The following RYR2 variants were observed in gnomAD, a reference collection of about 807,000 sequenced individuals.
RYR2 encodes ryanodine receptor 2.
RYR2 carries 227 observed loss-of-function variants against 601.1 expected under a neutral mutation model. The observed-to-expected ratio is 0.38, with a 90% CI of 0.34 to 0.42. The LOEUF (loss-of-function observed/expected upper bound fraction) is 0.42. RYR2 is among the 10% of genes least tolerant of loss of function. The pLI, the probability that RYR2 is intolerant of heterozygous loss-of-function variation, is 1.00. For synonymous variants in RYR2, 2,223 were observed against 2,175.1 expected (o/e 1.02, Z -0.61); for missense variants, 4,646 against 6,156.5 (o/e 0.75, Z 8.21).
At chr1:237,227,872 T>G (rs1044094937) in intron 1 of RYR2, among the ~76,000 whole-genome samples, 1 of 152,232 alleles carries the variant, frequency 6.6e-6, no homozygotes, top group Non-Finnish European at 1.5e-5. Flanking sequence ...TTTATTTTGA[T>G]GTTGAGTAGC....
At chr1:237,811,699 G>A (rs1661272428) in intron 100 of RYR2, among the ~76,000 whole-genome samples, 1 of 152,180 alleles carries the variant, frequency 6.6e-6, no homozygotes, top group African/African-American at 2.4e-5. Context: ...GATGGAGAAT[G>A]CAGGGGGAAA....
At chr1:237,644,442 C>T (rs1681909796) in intron 48 of RYR2, among the ~76,000 whole-genome samples, 3 of 151,942 alleles carry the variant, frequency 2.0e-5, no homozygotes, top group Admixed American at 2.0e-4. Context: ...CCATGTTAGC[C>T]AGGATGGTCT....
At chr1:237,352,949 G>A in intron 3 of RYR2, 1 of 452,818 alleles carries the variant, frequency 2.2e-6, no homozygotes, top group Non-Finnish European at 4.4e-6. Context: ...CAACTTTCAT[G>A]GGAAAGGCAA....
At chr1:237,172,001 G>A (rs1572089949) in intron 1 of RYR2, among the ~76,000 whole-genome samples, 1 of 152,210 alleles carries the variant, frequency 6.6e-6, no homozygotes, top group Non-Finnish European at 1.5e-5. Context: ...CTGCTAAGCA[G>A]CAAGTCAGCT....
chr1:237,537,953 A>G (rs1668822085), intron 25 of RYR2, among the ~76,000 whole-genome samples: 1 of 152,178 alleles, frequency 6.6e-6, no homozygotes, highest in Admixed American at 6.5e-5. Flanking sequence ...CTTCAAGTGT[A>G]TTCACTATTT....
At chr1:237,330,306 A>T (rs944687230) in intron 2 of RYR2, among the ~76,000 whole-genome samples, 1 of 152,256 alleles carries the variant, frequency 6.6e-6, no homozygotes, top group South Asian at 2.1e-4. Context: ...GGCAATGCGT[A>T]TCAGAGTAAG....
At chr1:237,288,666 C>T (rs962355638) in intron 2 of RYR2, among the ~76,000 whole-genome samples, 2 of 152,064 alleles carry the variant, frequency 1.3e-5, no homozygotes, top group African/African-American at 4.8e-5. Flanking sequence ...ACTGTGCCCC[C>T]CAACAACAGC....
At chr1:237,603,315 T>A (rs1213160239) in intron 35 of RYR2, among the ~76,000 whole-genome samples, 1 of 152,028 alleles carries the variant, frequency 6.6e-6, no homozygotes, top group Admixed American at 6.5e-5. Flanking sequence ...AAGTGTAGAA[T>A]AAGTGGGAGG....
In RYR2 at chr1:237,491,680, C is replaced by G. The variant is rs538912452; in HGVS notation, c.1709-126C>G. 37 of 589,844 alleles carry G rather than the reference C, an allele frequency of 6.3e-5. No homozygotes were observed. The Middle Eastern group carries it at 1.7e-3, about 28-fold the overall frequency. The allele number at this position is 589,844 out of a possible 1,614,324, so 36.5% of individuals were successfully genotyped here. ...TGTCACCTATCACAGTGCCTTGTAA[C>G]AGTCACATTGAGCACAGATAATTAC... On this transcript the variant is annotated intron_variant, in intron 17 of 104. Coordinates refer to ENST00000366574, the MANE Select transcript of RYR2 (RefSeq NM_001035.3).
At chr1:237,367,871 C>T (rs575370366) in intron 5 of RYR2, among the ~76,000 whole-genome samples, 1 of 152,288 alleles carries the variant, frequency 6.6e-6, no homozygotes, top group East Asian at 1.9e-4. Flanking sequence ...TTTCATTTGA[C>T]AGTTGTTTAC....
chr1:237,726,383 A>G (rs1415028113), intron 75 of RYR2, 75 bp downstream of exon 75: 3 of 895,500 alleles, frequency 3.4e-6, no homozygotes, highest in African/African-American at 3.4e-5. Context: ...TCTTTCTAAT[A>G]CAATTAATCT....
chr1:237,232,733 T>A (rs1236580426), intron 1 of RYR2, among the ~76,000 whole-genome samples: 1 of 152,144 alleles, frequency 6.6e-6, no homozygotes, highest in East Asian at 1.9e-4. Context: ...CCGGGGAATC[T>A]GAGGCCATCT....
At chr1:237,471,184 G>T (rs568811490) in intron 17 of RYR2, 6 of 154,084 alleles carry the variant, frequency 3.9e-5, no homozygotes, top group African/African-American at 1.4e-4. Flanking sequence ...GGAACATGGA[G>T]CCGCCATTTT....
chr1:237,553,378 A>T (rs2148133953), intron 27 of RYR2, among the ~76,000 whole-genome samples: 1 of 152,140 alleles, frequency 6.6e-6, no homozygotes, highest in South Asian at 2.1e-4. Flanking sequence ...CCTATTGAAC[A>T]CATAAGTCAG....
At chr1:237,625,410 A>G (rs1679541400) in intron 39 of RYR2, among the ~76,000 whole-genome samples, 1 of 151,994 alleles carries the variant, frequency 6.6e-6, no homozygotes, top group South Asian at 2.1e-4. Context: ...TTTGGTCTCT[A>G]CTCAGTGTTA....
intron 58 of RYR2, among the ~76,000 whole-genome samples, chr1:237,671,833 CA>C (rs1243516089): frequency 2.6e-5 from 4 of 152,008 alleles, no homozygotes; most frequent in Non-Finnish European, 4.4e-5. Flanking sequence ...TTAGTGCCCC[CA>C]AATTAGTAAA....
At chr1:237,127,503 G>A (rs1260649102) in intron 1 of RYR2, among the ~76,000 whole-genome samples, 2 of 150,832 alleles carry the variant, frequency 1.3e-5, no homozygotes, top group Admixed American at 6.6e-5. Flanking sequence ...GCGGCTGGCC[G>A]GGCGGGGGGC....
intron 25 of RYR2, 38 bp from the exon 26 acceptor site, chr1:237,548,393 G>A (rs1382886405): frequency 1.2e-6 from 2 of 1,603,798 alleles, no homozygotes; most frequent in Non-Finnish European, 1.7e-6. Context: ...TTATGAAAAG[G>A]CCAATTATAC....
At chr1:237,214,722 ATG>A (rs1682975313) in intron 1 of RYR2, among the ~76,000 whole-genome samples, 1 of 152,304 alleles carries the variant, frequency 6.6e-6, no homozygotes, top group South Asian at 2.1e-4. Flanking sequence ...TTTCATTTTA[ATG>A]TGTAGCAAGG....
Sources: gnomAD v4.1 joint callset for allele counts (sites outside exome capture counted in the v4.1 genomes callset) on GRCh38, gnomAD v4.1.1 for gene constraint, MANE v1.5 for transcripts, NCBI Gene and HGNC (gene_info 2026-07-23, HGNC 2026-07-21) for gene names.